Variants in MOV10 observed in about 807,000 individuals in gnomAD.
The protein encoded by MOV10 is RNA helicase MOV-10.
MOV10 carries 39 observed loss-of-function variants against 108.4 expected under a neutral mutation model. The observed-to-expected ratio is 0.36, with a 90% CI of 0.28 to 0.47. MOV10 has a LOEUF of 0.47. MOV10 is among the 20% of genes least tolerant of loss of function. The pLI, the probability that MOV10 is intolerant of heterozygous loss-of-function variation, is 1.00. For synonymous variants in MOV10, 490 were observed against 523.1 expected (o/e 0.94, Z 0.86); for missense variants, 952 against 1,297.6 (o/e 0.73, Z 4.09).
At chr1:112,695,221 A>T (rs183968098) in intron 10 of MOV10, among the ~76,000 whole-genome samples, 195 bp from the exon 11 acceptor site, 78 of 152,244 alleles carry the variant, frequency 5.1e-4, no homozygotes, top group Non-Finnish European at 2.2e-4. Flanking sequence ...CTCTGTCTCA[A>T]AAAAAAGGGT....
intron 2 of MOV10, among the ~76,000 whole-genome samples, chr1:112,679,739 G>C (rs574381005): frequency 3.1e-4 from 47 of 152,212 alleles, no homozygotes; most frequent in Non-Finnish European, 5.1e-4. Context: ...TTGGTGATCA[G>C]AGAAATGCAC....
At chr1:112,700,167 A>G (rs763706123) in intron 19 of MOV10, 52 bp from the exon 20 acceptor site, 2 of 1,613,030 alleles carry the variant, frequency 1.2e-6, no homozygotes, top group Non-Finnish European at 1.7e-6. Context: ...CAGATGGGAC[A>G]GGACCGTGGC....
At chr1:112,677,047 T>A (rs1382606353) in intron 2 of MOV10, among the ~76,000 whole-genome samples, 1 of 152,158 alleles carries the variant, frequency 6.6e-6, no homozygotes, top group Non-Finnish European at 1.5e-5. Context: ...TGCACTTGTG[T>A]TTATGCAGAT....
chr1:112,691,620 T>TG, intron 5 of MOV10, 45 bp from the exon 6 acceptor site: 1 of 1,601,652 alleles, frequency 6.2e-7, no homozygotes, highest in Non-Finnish European at 8.5e-7. Context: ...CTCAGAGTGT[T>TG]GGAGGGTGAG....
At chr1:112,699,059 A>C (rs1674377532) in intron 17 of MOV10, 1 of 448,732 alleles carries the variant, frequency 2.2e-6, no homozygotes, top group African/African-American at 2.0e-5. Flanking sequence ...GATAAAGTCC[A>C]AATTCCGTGG....
intron 2 of MOV10, among the ~76,000 whole-genome samples, chr1:112,677,222 C>T (rs1009932094): frequency 5.3e-5 from 8 of 152,036 alleles, no homozygotes; most frequent in African/African-American, 1.9e-4. Flanking sequence ...GAAATATTTG[C>T]CTCAAAAATA....
At chr1:112,688,793 C>A in intron 2 of MOV10, 142 bp from the exon 3 acceptor site, 1 of 1,486,322 alleles carries the variant, frequency 6.7e-7, no homozygotes, top group East Asian at 2.3e-5. Context: ...CTGAGTCTCT[C>A]TGTCTCTGGG....
intron 2 of MOV10, among the ~76,000 whole-genome samples, chr1:112,678,971 T>C (rs937342940): frequency 6.6e-6 from 1 of 152,038 alleles, no homozygotes; most frequent in African/African-American, 2.4e-5. Context: ...ATAGTTTCAC[T>C]CCCTGCTCTC....
Position 112,698,073 on chromosome 1 carries a change from C to T in MOV10, c.2278C>T (p.Arg760Ter). 1.2e-6 allele frequency: 2 copies of T among 1,614,184 alleles called. No homozygotes were observed. Among genetic ancestry groups the T allele is most frequent in the South Asian group, 1.1e-5 (1 of 91,082 alleles). Residue 760 changes from arginine (R) to a stop codon, truncating the protein, a stop_gained, in exon 15 of 21, where the codon CGA (arginine) becomes TGA (stop). Transcript: ENST00000369645. LOFTEE classifies it high-confidence loss of function. ...GCAGGCCTGTGCTGATGTCGTGGAT[C>T]GAGAACGCTTCTGCCGCTGGGCGGG... ...ELQACADVVD[R>*]ERFCRWAGLP...
At position 112,690,155 on chromosome 1, in the gene MOV10, A is replaced by G. The variant is rs1306132984; in HGVS notation, c.836+57A>G. 6 of 1,586,154 alleles carry G rather than the reference A, an allele frequency of 3.8e-6. No individual in the cohort carries two copies. In the African/African-American group the frequency reaches 4.0e-5, roughly 11 times the overall value. On this transcript the variant is annotated intron_variant, in intron 5 of 20. Transcript: ENST00000369645. The stretch of plus-strand genomic sequence containing the variant: ...GGCTCGTATCTCAACCACATGGGCC[A>G]GGGCTTTGGGAAGAGCACAGAGCTG...
At position 112,676,461 on chromosome 1, in the gene MOV10, A is replaced by G. The variant is rs1262997964; in HGVS notation, c.137+1412A>G. Among the ~76,000 whole-genome samples the G allele has an allele frequency of 8.5e-5, 13 of 152,348 alleles. No homozygotes were observed. The East Asian group carries it at 2.5e-3, about 29-fold the overall frequency. On this transcript the variant is annotated intron_variant, in intron 2 of 20. Transcript: ENST00000369645. ...TCTGTTAAGGAAAAAGTAATTGGTT[A>G]AAACAGTAAGGCTGACTTGACTCAA... is the stretch of plus-strand genomic sequence containing the variant.
At chr1:112,691,153 T>C (rs1430800994) in intron 5 of MOV10, among the ~76,000 whole-genome samples, 1 of 152,120 alleles carries the variant, frequency 6.6e-6, no homozygotes, top group Non-Finnish European at 1.5e-5. Flanking sequence ...TGGTGGCGCA[T>C]GCCTGTAGTC....
intron 6 of MOV10, 143 bp from the exon 7 acceptor site, chr1:112,692,618 C>A: frequency 8.3e-7 from 1 of 1,200,486 alleles, no homozygotes; most frequent in Non-Finnish European, 1.1e-6. Flanking sequence ...CTCTCATCCA[C>A]TTCTGTATCC....
chr1:112,674,693 G>C lies in MOV10; in HGVS notation c.-102G>C. On this transcript the variant is annotated 5_prime_UTR_variant, in exon 1 of 21. Coordinates refer to ENST00000369645, the MANE Select transcript of MOV10 (RefSeq NM_001321324.2). ...AGGAAAGAGTTAATGCGAAGAGGGG[G>C]AGGGGATAGGACGAAGAAACCGAAG... is the stretch of plus-strand genomic sequence containing the variant. The C allele has an allele frequency of 2.1e-6, 1 of 480,976 alleles. No homozygotes were observed. The allele number at this position is 480,976 out of a possible 1,614,324, so 29.8% of individuals were successfully genotyped here.
At chr1:112,680,057 T>C (rs1388985859) in intron 2 of MOV10, among the ~76,000 whole-genome samples, 2 of 152,048 alleles carry the variant, frequency 1.3e-5, no homozygotes, top group Non-Finnish European at 2.9e-5. Flanking sequence ...AGCTTGTCTA[T>C]CACTAGAGAA....
At chr1:112,682,165 G>C (rs191820342) in intron 2 of MOV10, among the ~76,000 whole-genome samples, 7 of 152,312 alleles carry the variant, frequency 4.6e-5, no homozygotes, top group Admixed American at 4.6e-4. Flanking sequence ...AAAGTGCTGG[G>C]ATTACAGGCG....
chr1:112,697,826 G>A (rs1038639928), intron 14 of MOV10, 168 bp from the exon 15 acceptor site: 21 of 661,076 alleles, frequency 3.2e-5, no homozygotes, highest in South Asian at 2.2e-4. Context: ...TCTGCTTTCT[G>A]TGGTTTACAG....
intron 2 of MOV10, chr1:112,688,234 A>G (rs1171676993): frequency 4.7e-6 from 2 of 428,928 alleles, no homozygotes; most frequent in Non-Finnish European, 6.2e-6. Context: ...AGGCCTCCGT[A>G]AGTGTTTGTT....
chr1:112,698,941 C>T, intron 17 of MOV10, 152 bp downstream of exon 17: 2 of 683,440 alleles, frequency 2.9e-6, no homozygotes, highest in Non-Finnish European at 5.2e-6. Context: ...CCTCTCACTC[C>T]TGGAGATTCC....
Sources: allele counts gnomAD v4.1 joint callset (sites outside exome capture counted in the v4.1 genomes callset), GRCh38; gene constraint gnomAD v4.1.1; transcripts MANE v1.5; gene names NCBI Gene and HGNC (gene_info 2026-07-23, HGNC 2026-07-21).